Variants in LGR6 observed in about 807,000 individuals in gnomAD.
LGR6 encodes leucine rich repeat containing G protein-coupled receptor 6, also known as leucine-rich repeat-containing G protein-coupled receptor 6.
LGR6 carries 45 observed loss-of-function variants against 69.4 expected under a neutral mutation model. That is an observed-to-expected ratio of 0.65 (90% confidence interval 0.51 to 0.83). The LOEUF (loss-of-function observed/expected upper bound fraction) is 0.83, where lower values mean the gene tolerates loss of function less well. LGR6 is among the 40% of genes least tolerant of loss of function. The pLI, the probability that LGR6 is intolerant of heterozygous loss-of-function variation, is 0.00. For missense variants in LGR6, 1,108 were observed against 1,246.7 expected (o/e 0.89, Z 1.68); for synonymous variants, 538 against 555.0 (o/e 0.97, Z 0.43).
chr1:202,267,832 ATAG>A (rs1365572737), intron 4 of LGR6, among the ~76,000 whole-genome samples: 2 of 152,208 alleles, frequency 1.3e-5, no homozygotes, highest in South Asian at 2.1e-4. Context: ...GGCTGGCATA[ATAG>A]TAGGCACTCA....
intron 4 of LGR6, among the ~76,000 whole-genome samples, chr1:202,238,798 C>G (rs1353230171): frequency 1.3e-5 from 2 of 151,602 alleles, no homozygotes; most frequent in East Asian, 3.9e-4. Flanking sequence ...TAGTATGAAT[C>G]AGGTGAAGAG....
At chr1:202,218,453 C>T (rs1558011951) in intron 1 of LGR6, among the ~76,000 whole-genome samples, 2 of 152,040 alleles carry the variant, frequency 1.3e-5, no homozygotes, top group African/African-American at 4.8e-5. Flanking sequence ...TGTGTGCCAC[C>T]GGGTCTGGCT....
intron 1 of LGR6, among the ~76,000 whole-genome samples, chr1:202,194,759 C>T (rs1256059484): frequency 6.6e-6 from 1 of 151,550 alleles, no homozygotes; most frequent in African/African-American, 2.4e-5. Context: ...ACTCTTGTCT[C>T]CTCAGAAAGG....
intron 3 of LGR6, among the ~76,000 whole-genome samples, chr1:202,233,647 T>C (rs1661281911): frequency 6.6e-6 from 1 of 152,034 alleles, no homozygotes; most frequent in Non-Finnish European, 1.5e-5. Context: ...GATGAAGGAA[T>C]CAAGGTCCAG....
intron 7 of LGR6, among the ~76,000 whole-genome samples, chr1:202,299,026 G>A (rs760284278): frequency 2.6e-5 from 4 of 151,726 alleles, no homozygotes; most frequent in Middle Eastern, 3.4e-3. Flanking sequence ...TTGGGAGGCC[G>A]AGGTGGGCAG....
chr1:202,309,365 AT>A (rs1301124221), intron 15 of LGR6, among the ~76,000 whole-genome samples, 189 bp downstream of exon 15: 3 of 152,154 alleles, frequency 2.0e-5, no homozygotes, highest in Admixed American at 1.3e-4. Context: ...CTTCCTCCTT[AT>A]CTCCTTGGTG....
Position 202,306,917 on chromosome 1 carries a change from C to A in LGR6, c.1186C>A (p.Gln396Lys), listed in dbSNP as rs201428058. Residue 396 changes from glutamine (Q) to lysine (K), a missense_variant, in exon 13 of 18, where the codon CAG becomes AAG. Physicochemically the swap from Gln to Lys is moderately conservative, Grantham distance 53. Coordinates refer to ENST00000367278, the MANE Select transcript of LGR6 (RefSeq NM_001017403.2). ...IWEIGADTFS[Q>K]LSSLQALDLS... ...GGAAATTGGAGCTGACACCTTCAGC[C>A]AGCTGAGCTCCCTGCAAGCCCTGTG... 119 of 1,614,114 alleles carry A rather than the reference C, an allele frequency of 7.4e-5. No homozygotes were observed. In the African/African-American group the frequency reaches 1.5e-3, roughly 20 times the overall value.
rs559485832 is a variant in LGR6, at chr1:202,224,816, G to C, written c.213-607G>C. Among the ~76,000 whole-genome samples the C allele has an allele frequency of 2.1e-3, 314 of 152,280 alleles. 1 individual carries two copies. Among genetic ancestry groups the C allele is most frequent in the African/African-American group, 7.1e-3 (294 of 41,548 alleles). On this transcript the variant is annotated intron_variant, in intron 1 of 17. Transcript: ENST00000367278. The stretch of plus-strand genomic sequence containing the variant: ...TGCTGCCCCCGGGTTGGGGACCCCT[G>C]GACTAAGGGAAGCAAACAGGTAGAG...
chr1:202,270,926 A>T (rs1055420060), intron 4 of LGR6, among the ~76,000 whole-genome samples: 2 of 152,080 alleles, frequency 1.3e-5, no homozygotes, highest in East Asian at 3.9e-4. Flanking sequence ...CTGGGGGAGT[A>T]TGAGAAGCAG....
chr1:202,286,677 A>G (rs936780542), intron 6 of LGR6, among the ~76,000 whole-genome samples: 4 of 152,126 alleles, frequency 2.6e-5, no homozygotes, highest in South Asian at 2.1e-4. Context: ...TTGTGGGTTT[A>G]TTAGCTGCAA....
intron 1 of LGR6, chr1:202,214,156 T>C: frequency 6.6e-7 from 1 of 1,507,978 alleles, no homozygotes; most frequent in Non-Finnish European, 8.8e-7. Flanking sequence ...GGGGCCGGAA[T>C]GCGCTTGGAG....
At chr1:202,293,186 A>G (rs1275161900) in intron 6 of LGR6, among the ~76,000 whole-genome samples, 14 of 152,234 alleles carry the variant, frequency 9.2e-5, no homozygotes, top group Non-Finnish European at 5.9e-5. Flanking sequence ...ATAGCAGTCC[A>G]GAGGAGACAG....
chr1:202,257,724 C>T (rs943426606), intron 4 of LGR6, among the ~76,000 whole-genome samples: 4 of 152,066 alleles, frequency 2.6e-5, no homozygotes, highest in African/African-American at 9.7e-5. Flanking sequence ...ATTACTGTAG[C>T]TTTGTAATAA....
intron 4 of LGR6, among the ~76,000 whole-genome samples, chr1:202,257,126 T>C (rs1168863937): frequency 2.6e-5 from 4 of 152,246 alleles, no homozygotes; most frequent in Admixed American, 2.0e-4. Context: ...ATCAGATATA[T>C]GGTTTGAAAA....
rs373820834 is a variant in LGR6 at position 202,250,966 on chromosome 1, C to A, written c.428+14973C>A. Among the ~76,000 whole-genome samples, 26 of 152,290 alleles carry A rather than the reference C, an allele frequency of 1.7e-4. No homozygotes were observed. In the South Asian group the frequency reaches 3.1e-3, roughly 18 times the overall value. ...CCTTCCTCTACATTCTTCCTCAGAA[C>A]ACCCAAGAAGTTCTGAGGAAGGATG... On this transcript the variant is annotated intron_variant, in intron 4 of 17. Transcript: ENST00000367278.
At chr1:202,232,378 T>G (rs1055909363) in intron 3 of LGR6, among the ~76,000 whole-genome samples, 21 of 151,588 alleles carry the variant, frequency 1.4e-4, no homozygotes, top group African/African-American at 4.8e-4. Context: ...AGGGGAGGAG[T>G]GTTGAGGACT....
chr1:202,273,567 C>A (rs1452563523), intron 4 of LGR6, among the ~76,000 whole-genome samples: 1 of 151,894 alleles, frequency 6.6e-6, no homozygotes, highest in African/African-American at 2.4e-5. Context: ...AAGCAACTCT[C>A]CTGCCTCAGC....
intron 4 of LGR6, among the ~76,000 whole-genome samples, chr1:202,254,015 C>T (rs370769588): frequency 0.075 from 11,330 of 151,348 alleles, 509 homozygotes; most frequent in Middle Eastern, 0.12. Context: ...CCGTTTTAGC[C>T]GGGATGGTCT....
intron 4 of LGR6, among the ~76,000 whole-genome samples, chr1:202,237,295 G>A (rs1002189635): frequency 1.3e-5 from 2 of 152,196 alleles, no homozygotes; most frequent in African/African-American, 4.8e-5. Flanking sequence ...AGAGGCCAAC[G>A]TCGGAAGACC....
Sources: allele counts gnomAD v4.1 joint callset (sites outside exome capture counted in the v4.1 genomes callset), GRCh38; gene constraint gnomAD v4.1.1; transcripts MANE v1.5; gene names NCBI Gene and HGNC (gene_info 2026-07-23, HGNC 2026-07-21).